Variants in TMEM132C observed in about 807,000 individuals in gnomAD.
TMEM132C encodes transmembrane protein 132C, also known as protein phosphatase 1, regulatory subunit 152.
In TMEM132C, 29 loss-of-function variants were observed where a neutral mutation model predicts 61.4. That is an observed-to-expected ratio of 0.47 (90% CI 0.35 to 0.64). The LOEUF (loss-of-function observed/expected upper bound fraction) is 0.64, where lower values mean the gene tolerates loss of function less well. Ranked by LOEUF, TMEM132C falls within the 30% of genes least tolerant of loss-of-function variation. The pLI is 0.00. For synonymous variants in TMEM132C, 656 were observed against 633.1 expected (o/e 1.04, Z -0.54); for missense variants, 1,408 against 1,476.9 (o/e 0.95, Z 0.76).
At chr12:128,392,967 T>C (rs7973496) in intron 1 of TMEM132C, among the ~76,000 whole-genome samples, 42,840 of 152,072 alleles carry the variant, frequency 0.28, 6,189 homozygotes, top group South Asian at 0.4. Flanking sequence ...ACCTGAGGCA[T>C]AGATGTATCA....
intron 3 of TMEM132C, among the ~76,000 whole-genome samples, chr12:128,604,453 T>TAGATAGATAGATAAC (rs1565988516): frequency 4.8e-5 from 6 of 125,942 alleles, no homozygotes; most frequent in Admixed American, 2.3e-4. Context: ...AGATAGATAA[T>TAGATAGATAGATAAC]AGATGGATAG....
chr12:128,540,754 A>G (rs1366435246), intron 2 of TMEM132C, among the ~76,000 whole-genome samples: 1 of 152,082 alleles, frequency 6.6e-6, no homozygotes, highest in Admixed American at 6.5e-5. Flanking sequence ...GGTTTCTCCC[A>G]TCGGCAAGTG....
intron 2 of TMEM132C, among the ~76,000 whole-genome samples, chr12:128,525,646 G>A (rs1413399178): frequency 2.6e-5 from 4 of 152,168 alleles, no homozygotes; most frequent in Non-Finnish European, 5.9e-5. Context: ...TAAGAGTGAA[G>A]CTTCTAGAAC....
chr12:128,364,609 T>G (rs1873807442), intron 1 of TMEM132C, among the ~76,000 whole-genome samples: 1 of 152,166 alleles, frequency 6.6e-6, no homozygotes, highest in Non-Finnish European at 1.5e-5. Flanking sequence ...AATATTTCCA[T>G]TCAGAAGCCA....
At chr12:128,532,931 G>A (rs1039474772) in intron 2 of TMEM132C, among the ~76,000 whole-genome samples, 1 of 152,152 alleles carries the variant, frequency 6.6e-6, no homozygotes, top group East Asian at 1.9e-4. Context: ...GACACTGTTA[G>A]TTTCCTCTGA....
intron 3 of TMEM132C, among the ~76,000 whole-genome samples, chr12:128,610,152 C>A (rs1017314741): frequency 2.0e-5 from 3 of 152,228 alleles, no homozygotes; most frequent in African/African-American, 4.8e-5. Context: ...AGTGTCCTTG[C>A]CTTCATGAAA....
In TMEM132C at chr12:128,705,702, G is replaced by C. The variant is rs1215018097; in HGVS notation, c.2734G>C (p.Asp912His). Residue 912 changes from aspartate to histidine, a missense_variant, in exon 9 of 9, where the codon GAC (aspartate) becomes CAC (histidine). Transcript: ENST00000435159. Reference protein sequence around the residue: ...PKAGSGLEENDLVQTPRGLSD... With the variant: ...PKAGSGLEENHLVQTPRGLSD... ...GGCCGGGAGTGGGCTGGAGGAAAACGACCTGGTGCAGACTCCGCGGGGCCT... is the reference window on the plus strand; with the variant it reads ...GGCCGGGAGTGGGCTGGAGGAAAACCACCTGGTGCAGACTCCGCGGGGCCT... The C allele has an allele frequency of 6.4e-7, 1 of 1,551,434 alleles. No individual in the cohort carries two copies.
intron 3 of TMEM132C, among the ~76,000 whole-genome samples, chr12:128,551,749 C>G (rs975928015): frequency 1.3e-5 from 2 of 152,160 alleles, no homozygotes; most frequent in African/African-American, 4.8e-5. Flanking sequence ...TCCGCCTCCC[C>G]CTTCATCTCC....
intron 2 of TMEM132C, among the ~76,000 whole-genome samples, chr12:128,490,727 G>A (rs1380149973): frequency 6.6e-6 from 1 of 152,204 alleles, no homozygotes; most frequent in Non-Finnish European, 1.5e-5. Flanking sequence ...GGGGAATAGG[G>A]TTTAAGAACT....
intron 1 of TMEM132C, among the ~76,000 whole-genome samples, chr12:128,411,752 A>G (rs930666948): frequency 6.6e-6 from 1 of 152,204 alleles, no homozygotes; most frequent in Non-Finnish European, 1.5e-5. Flanking sequence ...CTATGTACAT[A>G]CACATGCACA....
chr12:128,277,028 T>G (rs1293582194), intron 1 of TMEM132C, among the ~76,000 whole-genome samples: 1 of 152,198 alleles, frequency 6.6e-6, no homozygotes, highest in Non-Finnish European at 1.5e-5. Context: ...AACAAGGTAT[T>G]CCTGAAAATG....
chr12:128,322,582 C>T (rs549008831), intron 1 of TMEM132C, among the ~76,000 whole-genome samples: 1 of 152,230 alleles, frequency 6.6e-6, no homozygotes, highest in Non-Finnish European at 1.5e-5. Context: ...GGGTCTGAGT[C>T]AATTTCATCT....
At chr12:128,289,129 AACAC>A (rs370379896) in intron 1 of TMEM132C, 3 of 150,022 alleles carry the variant, frequency 2.0e-5, no homozygotes, top group African/African-American at 4.9e-5. Flanking sequence ...TATGCTCGCT[AACAC>A]ACACTGTAAT....
chr12:128,604,219 T>A (rs1876315172), intron 3 of TMEM132C, among the ~76,000 whole-genome samples: 1 of 151,994 alleles, frequency 6.6e-6, no homozygotes, highest in African/African-American at 2.4e-5. Flanking sequence ...TATGATAGGT[T>A]GATTGATGAA....
chr12:128,564,864 C>T (rs1056383672), intron 3 of TMEM132C, among the ~76,000 whole-genome samples: 5 of 152,158 alleles, frequency 3.3e-5, no homozygotes, highest in African/African-American at 9.7e-5. Context: ...GACATGGTCT[C>T]CAGGGATCCC....
At chr12:128,634,774 A>G (rs1010001316) in intron 4 of TMEM132C, among the ~76,000 whole-genome samples, 3 of 152,192 alleles carry the variant, frequency 2.0e-5, no homozygotes, top group Non-Finnish European at 2.9e-5. Context: ...TTTTTCCTTC[A>G]CCTGCATTTT....
At chr12:128,500,584 A>T (rs907801061) in intron 2 of TMEM132C, among the ~76,000 whole-genome samples, 56 of 152,304 alleles carry the variant, frequency 3.7e-4, no homozygotes, top group African/African-American at 1.3e-3. Context: ...CAATATGTAT[A>T]CAAAATGGTG....
intron 2 of TMEM132C, among the ~76,000 whole-genome samples, chr12:128,416,270 A>G (rs933282840): frequency 2.6e-5 from 4 of 152,180 alleles, no homozygotes; most frequent in African/African-American, 4.8e-5. Context: ...GCAGCATCTG[A>G]GCTGTGACAG....
chr12:128,483,707 C>G (rs1871391245), intron 2 of TMEM132C, among the ~76,000 whole-genome samples: 2 of 151,988 alleles, frequency 1.3e-5, no homozygotes, highest in African/African-American at 4.8e-5. Context: ...TCTTCAGAGC[C>G]CCGTGGGAAA....
Sources: gnomAD v4.1 joint callset for allele counts (sites outside exome capture counted in the v4.1 genomes callset) on GRCh38, gnomAD v4.1.1 for gene constraint, MANE v1.5 for transcripts, NCBI Gene and HGNC (gene_info 2026-07-23, HGNC 2026-07-21) for gene names.